NINJ2: variants seen among roughly 807,000 people sequenced by gnomAD.
NINJ2 encodes ninjurin 2.
Under a neutral mutation model 11.7 loss-of-function variants are expected in NINJ2, and 12 were observed. The ratio of observed to expected loss-of-function variants is 1.02; its 90% CI spans 0.66 to 1.66. The LOEUF (loss-of-function observed/expected upper bound fraction) is 1.66, where lower values mean the gene tolerates loss of function less well. Among genes scored for constraint, NINJ2 ranks in the 40% most tolerant of loss-of-function variants. NINJ2 has a pLI of 0.00. For missense variants in NINJ2, 187 were observed against 181.8 expected (o/e 1.03, Z -0.16); for synonymous variants, 93 against 76.8 (o/e 1.21, Z -1.10).
chr12:652,619 A>C (rs1051648989), intron 1 of NINJ2, among the ~76,000 whole-genome samples: 2 of 152,120 alleles, frequency 1.3e-5, no homozygotes, highest in African/African-American at 2.4e-5. Flanking sequence ...GGTAAAAGAA[A>C]AACTTTTTTT....
intron 1 of NINJ2, among the ~76,000 whole-genome samples, chr12:661,876 G>A (rs1423098481): frequency 6.6e-6 from 1 of 152,180 alleles, no homozygotes; most frequent in Non-Finnish European, 1.5e-5. Context: ...GTTTTCTAAA[G>A]CAATGACCGT....
At chr12:601,824 C>A (rs1947878406) in intron 1 of NINJ2, among the ~76,000 whole-genome samples, 1 of 152,170 alleles carries the variant, frequency 6.6e-6, no homozygotes, top group South Asian at 2.1e-4. Context: ...CAAGATCATG[C>A]CAAGGTGGCA....
chr12:625,263 T>A (rs1013641490), intron 1 of NINJ2, among the ~76,000 whole-genome samples: 2 of 152,142 alleles, frequency 1.3e-5, no homozygotes, highest in African/African-American at 4.8e-5. Context: ...AGGAATGGTA[T>A]GCCAAGAGCC....
chr12:610,180 C>T (rs1195759415), intron 1 of NINJ2, among the ~76,000 whole-genome samples: 1 of 152,196 alleles, frequency 6.6e-6, no homozygotes, highest in Admixed American at 6.5e-5. Context: ...CCCATCCTGA[C>T]AAGTGCACAT....
Position 585,160 on chromosome 12 carries a change from G to A in NINJ2, c.34-18982C>T, listed in dbSNP as rs1426612229. ...AAAGCAAATCCTTCTTTTCGCTAAG[G>A]CTGCATTTCCACCGCCATGAAATGG... On this transcript the variant is annotated intron_variant, in intron 1 of 3. Coordinates refer to ENST00000305108, the MANE Select transcript of NINJ2 (RefSeq NM_016533.6). This position sits in a 1 kb window ranked among gnomAD's most constrained non-coding sequence, Gnocchi z 4.1. Among the ~76,000 whole-genome samples the A allele has an allele frequency of 6.6e-6, 1 of 152,236 alleles. No individual in the cohort carries two copies. Among genetic ancestry groups the A allele is most frequent in the African/African-American group, 2.4e-5 (1 of 41,460 alleles).
intron 1 of NINJ2, among the ~76,000 whole-genome samples, chr12:592,771 G>A (rs1012739803): frequency 1.3e-5 from 2 of 152,164 alleles, no homozygotes; most frequent in African/African-American, 4.8e-5. Flanking sequence ...AAGGAATGTA[G>A]TCCAAGTCCA....
chr12:643,549 G>A (rs1181184875), intron 1 of NINJ2: 1 of 987,822 alleles, frequency 1.0e-6, no homozygotes, highest in African/African-American at 1.7e-5. Context: ...GACCTGTGGG[G>A]CGTGTCGTCA....
chr12:567,770 C>T (rs1048489109), intron 1 of NINJ2, among the ~76,000 whole-genome samples: 5 of 152,174 alleles, frequency 3.3e-5, no homozygotes, highest in East Asian at 1.9e-4. Flanking sequence ...CTTTGAGAGG[C>T]CAAGGCAGGG....
intron 1 of NINJ2, among the ~76,000 whole-genome samples, chr12:627,611 G>A (rs755551988): frequency 4.6e-5 from 7 of 152,246 alleles, no homozygotes; most frequent in Non-Finnish European, 7.3e-5. Flanking sequence ...GGCAGACTTC[G>A]TGGGTACAGC....
Position 663,424 on chromosome 12 carries a change from A to T in NINJ2, c.-64T>A. On this transcript the variant is annotated 5_prime_UTR_variant, in exon 1 of 4. Coordinates refer to ENST00000305108, the MANE Select transcript of NINJ2 (RefSeq NM_016533.6). Reference sequence around the variant, plus strand: ...GGGAACAGACTGCGTGGGCTCCTCCAGGCTCCGCCGTCTGAGTCTCTGCTG... The same window carrying T: ...GGGAACAGACTGCGTGGGCTCCTCCTGGCTCCGCCGTCTGAGTCTCTGCTG... The T allele has an allele frequency of 6.2e-7, 1 of 1,614,092 alleles. No individual in the cohort carries two copies.
At chr12:569,808 T>G (rs1367905612) in intron 1 of NINJ2, among the ~76,000 whole-genome samples, 1 of 152,208 alleles carries the variant, frequency 6.6e-6, no homozygotes, top group Non-Finnish European at 1.5e-5. Context: ...AGGCTCGCAG[T>G]GTGCTTAGGG....
At chr12:625,176 A>G (rs778685887) in intron 1 of NINJ2, among the ~76,000 whole-genome samples, 2 of 151,982 alleles carry the variant, frequency 1.3e-5, no homozygotes, top group Non-Finnish European at 2.9e-5. Context: ...TATCATTAGC[A>G]AGTGATATTT....
intron 1 of NINJ2, among the ~76,000 whole-genome samples, chr12:622,409 C>CAAAAAAAAA (rs1169331783): frequency 2.1e-5 from 1 of 47,428 alleles, no homozygotes; most frequent in Admixed American, 3.2e-4. Flanking sequence ...GACTCCGTCT[C>CAAAAAAAAA]AAAAAAAAAA....
At chr12:574,317 C>T (rs552715862) in intron 1 of NINJ2, among the ~76,000 whole-genome samples, 2 of 151,878 alleles carry the variant, frequency 1.3e-5, no homozygotes, top group African/African-American at 4.8e-5. Context: ...GAGCGAGACT[C>T]CATCTCAAAA....
chr12:648,433 C>T (rs779638464), intron 1 of NINJ2, among the ~76,000 whole-genome samples: 15 of 152,194 alleles, frequency 9.9e-5, no homozygotes, highest in Non-Finnish European at 2.2e-4. Context: ...TACCCAATGC[C>T]ATGAAGATTC....
intron 1 of NINJ2, among the ~76,000 whole-genome samples, chr12:579,109 G>A (rs1313972700): frequency 2.6e-5 from 4 of 152,306 alleles, no homozygotes; most frequent in South Asian, 2.1e-4. Flanking sequence ...GTCCCCACTA[G>A]ATTATACATT....
intron 1 of NINJ2, among the ~76,000 whole-genome samples, chr12:594,434 A>C (rs188449415): frequency 6.6e-6 from 1 of 152,296 alleles, no homozygotes; most frequent in African/African-American, 2.4e-5. Flanking sequence ...CTTACATATA[A>C]ATCTAACAAA....
At chr12:660,742 T>C (rs1281757203) in intron 1 of NINJ2, among the ~76,000 whole-genome samples, 2 of 152,112 alleles carry the variant, frequency 1.3e-5, no homozygotes, top group Non-Finnish European at 2.9e-5. Context: ...TTGTGGATCA[T>C]TTGAGGTCAG....
chr12:620,617 A>AGTTT (rs10660948), intron 1 of NINJ2, among the ~76,000 whole-genome samples: 45,331 of 151,196 alleles, frequency 0.3, 6,958 homozygotes, highest in Middle Eastern at 0.38. Flanking sequence ...GTGGTTTTGA[A>AGTTT]GTTTGTTTGT....
Sources: gnomAD v4.1 joint callset for allele counts (sites outside exome capture counted in the v4.1 genomes callset) on GRCh38, gnomAD v4.1.1 for gene constraint, Gnocchi (gnomAD v3.1) non-coding constraint, MANE v1.5 for transcripts, NCBI Gene and HGNC (gene_info 2026-07-23, HGNC 2026-07-21) for gene names.